The following RYR2 variants were observed in gnomAD, a reference collection of about 807,000 sequenced individuals.
RYR2 encodes the protein ryanodine receptor 2, also known as cardiac muscle ryanodine receptor-calcium release channel.
A neutral mutation model predicts 601.1 loss-of-function variants in RYR2; 227 were observed. That is an observed-to-expected ratio of 0.38 (90% CI 0.34 to 0.42). The LOEUF is 0.42. Ranked by LOEUF, RYR2 falls within the 10% of genes least tolerant of loss-of-function variation. RYR2 has a pLI of 1.00. For missense variants in RYR2, 4,646 were observed against 6,156.5 expected (o/e 0.75, Z 8.21); for synonymous variants, 2,223 against 2,175.1 (o/e 1.02, Z -0.61).
At position 237,627,955 on chromosome 1, in the gene RYR2, C is replaced by G. The variant is rs1679855571; in HGVS notation, c.6315C>G (p.Thr2105=). The G allele has an allele frequency of 1.2e-6, 2 of 1,613,908 alleles. No homozygotes were observed. The highest frequency in any genetic ancestry group is 2.7e-5 in the African/African-American group (2 of 75,016). The change falls in exon 41 of 105, where the codon ACC becomes ACG. Residue 2105 remains threonine (T), a synonymous_variant. Coordinates refer to ENST00000366574, the MANE Select transcript of RYR2 (RefSeq NM_001035.3). ...GTCTTGTTCGGGCCCTGCCAAAGAC[C>G]TACACGATAAATGGTGTGTCCGTGG... ...IGGLVRALPK[T]YTINGVSVED...
Position 237,368,811 on chromosome 1 carries a change from A to G in RYR2, c.310-723A>G, listed in dbSNP as rs115777381. 6.4e-3 allele frequency among the ~76,000 whole-genome samples: 832 copies of G among 129,430 alleles called. 8 individuals carry two copies. Among genetic ancestry groups the G allele is most frequent in the African/African-American group, 0.02 (701 of 35,784 alleles). The allele number at this position is 129,430 out of a possible 152,430, so 84.9% of individuals were successfully genotyped here. On this transcript the variant is annotated intron_variant, in intron 5 of 104. Transcript: ENST00000366574. Reference sequence around the variant, plus strand: ...TCGTTGAATCAACGTTTATTTATTTATTTATTTATTTATTTATTTATTTAT... The same window carrying G: ...TCGTTGAATCAACGTTTATTTATTTGTTTATTTATTTATTTATTTATTTAT...
At chr1:237,372,071 A>T (rs1243431686) in intron 6 of RYR2, among the ~76,000 whole-genome samples, 1 of 152,182 alleles carries the variant, frequency 6.6e-6, no homozygotes, top group African/African-American at 2.4e-5. Flanking sequence ...AAAAATAAAA[A>T]ATACCACTAT....
At position 237,500,914 on chromosome 1, in the gene RYR2, C is replaced by G; in HGVS notation, c.2396+11C>G. 1.9e-6 allele frequency: 3 copies of G among 1,612,490 alleles called. 1 individual carries two copies. In the South Asian group the frequency reaches 3.3e-5, roughly 18 times the overall value. On this transcript the variant is annotated intron_variant, in intron 21 of 104. Transcript: ENST00000366574. Reference sequence around the variant, plus strand: ...CTCTGCAGGAATAAAGTTAGTATGTCTATGTTTTTTGGTCTCTTTCCTTTC... The same window carrying G: ...CTCTGCAGGAATAAAGTTAGTATGTGTATGTTTTTTGGTCTCTTTCCTTTC...
intron 1 of RYR2, among the ~76,000 whole-genome samples, chr1:237,071,894 T>A (rs1372746541): frequency 6.6e-6 from 1 of 152,190 alleles, no homozygotes; most frequent in Non-Finnish European, 1.5e-5. Context: ...GCGGGGGTGC[T>A]GGTGTGTTAT....
intron 92 of RYR2, among the ~76,000 whole-genome samples, chr1:237,789,160 GAAC>G (rs1294459470): frequency 6.6e-6 from 1 of 151,936 alleles, no homozygotes; most frequent in Non-Finnish European, 1.5e-5. Context: ...TAGAATTTAA[GAAC>G]AACAACCCTC....
chr1:237,700,476 AT>A lies in RYR2; in HGVS notation c.9367+12del. The A allele has an allele frequency of 7.2e-7, 1 of 1,397,616 alleles. No individual in the cohort carries two copies. The highest frequency in any genetic ancestry group is 9.9e-7 in the Non-Finnish European group (1 of 1,005,032). 86.6% of individuals were successfully genotyped at this position (1,397,616 alleles called of 1,614,324 possible). On this transcript the variant is annotated intron_variant, in intron 65 of 104. Transcript: ENST00000366574. ...CGGAGAAGACCTAATATGTATGTAA[AT>A]TTATATCTTGGAGTTTTTTTTTTTT...
chr1:237,602,350 A>G (rs1485997883), intron 35 of RYR2, among the ~76,000 whole-genome samples: 2 of 152,136 alleles, frequency 1.3e-5, no homozygotes. Flanking sequence ...ATAGAAAAAA[A>G]AATGCCGAGA....
intron 80 of RYR2, among the ~76,000 whole-genome samples, chr1:237,751,105 T>G (rs1692499184): frequency 6.6e-6 from 1 of 152,200 alleles, no homozygotes; most frequent in Non-Finnish European, 1.5e-5. Flanking sequence ...CACTAAGTAG[T>G]CCAACACTCT....
intron 2 of RYR2, among the ~76,000 whole-genome samples, chr1:237,324,745 T>C (rs1431371192): frequency 5.3e-5 from 8 of 152,236 alleles, no homozygotes; most frequent in African/African-American, 1.9e-4. Context: ...CTGAATTCCA[T>C]GTTCCTGGTA....
intron 73 of RYR2, among the ~76,000 whole-genome samples, chr1:237,720,971 A>G (rs1184781476): frequency 3.3e-5 from 5 of 152,210 alleles, no homozygotes; most frequent in African/African-American, 1.2e-4. Context: ...AATGAATAAG[A>G]CCTGAAAATA....
chr1:237,099,666 T>C (rs901494801), intron 1 of RYR2, among the ~76,000 whole-genome samples: 1 of 152,224 alleles, frequency 6.6e-6, no homozygotes, highest in Non-Finnish European at 1.5e-5. Context: ...CCATACCACA[T>C]GCCGCATGGC....
chr1:237,499,855 A>C (rs1266887081), intron 20 of RYR2, among the ~76,000 whole-genome samples: 1 of 152,192 alleles, frequency 6.6e-6, no homozygotes, highest in Non-Finnish European at 1.5e-5. Context: ...GTTTGGGAGA[A>C]CCTTACCTTC....
intron 40 of RYR2, among the ~76,000 whole-genome samples, chr1:237,627,593 T>C (rs999978194): frequency 6.6e-6 from 1 of 152,098 alleles, no homozygotes; most frequent in African/African-American, 2.4e-5. Flanking sequence ...TAAAGAAAGG[T>C]TTGTGTTTTT....
intron 1 of RYR2, among the ~76,000 whole-genome samples, chr1:237,105,283 G>A (rs770454565): frequency 1.2e-4 from 18 of 152,186 alleles, no homozygotes; most frequent in Non-Finnish European, 2.6e-4. Flanking sequence ...GGGAAGACCT[G>A]TTGAAAAACA....
At chr1:237,476,708 A>G (rs6661372) in intron 17 of RYR2, among the ~76,000 whole-genome samples, 75,860 of 151,800 alleles carry the variant, frequency 0.5, 20,062 homozygotes, top group East Asian at 0.7. Flanking sequence ...GTAAGCTGTG[A>G]AATAAATTGT....
At chr1:237,510,940 G>A (rs1282775316) in intron 23 of RYR2, among the ~76,000 whole-genome samples, 2 of 152,194 alleles carry the variant, frequency 1.3e-5, no homozygotes, top group Admixed American at 6.5e-5. Context: ...AGGTAGTAGG[G>A]TGATTTGTGA....
At chr1:237,148,069 A>G (rs1674212691) in intron 1 of RYR2, among the ~76,000 whole-genome samples, 1 of 152,146 alleles carries the variant, frequency 6.6e-6, no homozygotes, top group Non-Finnish European at 1.5e-5. Context: ...AGCAAGTTCC[A>G]CCGCATGTCG....
chr1:237,382,816 T>C (rs1054327188), intron 8 of RYR2, among the ~76,000 whole-genome samples: 2 of 152,170 alleles, frequency 1.3e-5, no homozygotes, highest in Non-Finnish European at 2.9e-5. Context: ...TTTGATTAAT[T>C]TGCTGTGAGC....
At chr1:237,446,650 T>G (rs1708366156) in intron 14 of RYR2, among the ~76,000 whole-genome samples, 1 of 152,146 alleles carries the variant, frequency 6.6e-6, no homozygotes, top group Non-Finnish European at 1.5e-5. Flanking sequence ...ATACACACTG[T>G]GTGTATATGT....
Sources: gnomAD v4.1 joint callset for allele counts (sites outside exome capture counted in the v4.1 genomes callset) on GRCh38, gnomAD v4.1.1 for gene constraint, MANE v1.5 for transcripts, NCBI Gene and HGNC (gene_info 2026-07-23, HGNC 2026-07-21) for gene names.